TTC6: variants seen among roughly 807,000 people sequenced by gnomAD.
The protein encoded by TTC6 is tetratricopeptide repeat protein 6.
In TTC6, 172 loss-of-function variants were observed where a neutral mutation model predicts 210.4. The ratio of observed to expected loss-of-function variants is 0.82; its 90% CI spans 0.72 to 0.93. The LOEUF (loss-of-function observed/expected upper bound fraction) is 0.93. TTC6 is among the 40% of genes least tolerant of loss of function. The pLI, the probability that TTC6 is intolerant of heterozygous loss-of-function variation, is 0.00. For missense variants in TTC6, 2,414 were observed against 2,318.1 expected (o/e 1.04, Z -0.85); for synonymous variants, 804 against 819.6 (o/e 0.98, Z 0.32).
At chr14:37,709,814 C>A (rs1052461866) in intron 5 of TTC6, among the ~76,000 whole-genome samples, 1 of 151,660 alleles carries the variant, frequency 6.6e-6, no homozygotes, top group Non-Finnish European at 1.5e-5. Context: ...GCCTCTGCTG[C>A]AGATTTCAAA....
chr14:37,764,471 A>G (rs1483514935), intron 14 of TTC6, among the ~76,000 whole-genome samples: 1 of 152,130 alleles, frequency 6.6e-6, no homozygotes, highest in Non-Finnish European at 1.5e-5. Context: ...GACTGTGTTT[A>G]TAATGGTCAT....
intron 2 of TTC6, among the ~76,000 whole-genome samples, chr14:37,616,063 C>T (rs2095642159): frequency 6.6e-6 from 1 of 152,232 alleles, no homozygotes; most frequent in Non-Finnish European, 1.5e-5. Context: ...CAGTTAAACT[C>T]ACTGTAAGTC....
rs566420437 is a variant in TTC6, at chr14:37,792,445, T to A, written c.3708+31T>A. On this transcript the variant is annotated intron_variant, in intron 17 of 30. Coordinates refer to ENST00000553443, the Ensembl canonical transcript of TTC6. ...TAAGGCTCGAGAACCTTGATTTTTT[T>A]AAAAAAACTTTAATTTTCTGGATAT... 8.9e-5 allele frequency: 127 copies of A among 1,432,570 alleles called. No homozygotes were observed. In the East Asian group the frequency reaches 1.1e-3, roughly 13 times the overall value. 88.7% of individuals were successfully genotyped at this position (1,432,570 alleles called of 1,614,324 possible).
chr14:37,725,752 T>A (rs1392602252), intron 7 of TTC6, among the ~76,000 whole-genome samples: 1 of 152,166 alleles, frequency 6.6e-6, no homozygotes, highest in Non-Finnish European at 1.5e-5. Context: ...GAAAGAATGT[T>A]TTATTTGATT....
chr14:37,767,638 A>G (rs1481396545), intron 14 of TTC6, among the ~76,000 whole-genome samples: 148 of 151,944 alleles, frequency 9.7e-4, no homozygotes, highest in African/African-American at 3.4e-3. Context: ...CCTACTTTTT[A>G]ATGGGGTTGT....
chr14:37,725,348 A>ATATATATATATG (rs1555391434), intron 7 of TTC6, among the ~76,000 whole-genome samples: 47 of 113,238 alleles, frequency 4.2e-4, no homozygotes, highest in Non-Finnish European at 6.1e-4. Context: ...ATATATATAT[A>ATATATATATATG]TATATATATA....
intron 3 of TTC6, among the ~76,000 whole-genome samples, chr14:37,691,077 C>A (rs2095802773): frequency 6.6e-6 from 1 of 152,090 alleles, no homozygotes; most frequent in African/African-American, 2.4e-5. Context: ...CATCTGCCAT[C>A]CTAGCACTTT....
chr14:37,694,065 A>G (rs1352391796), intron 3 of TTC6, among the ~76,000 whole-genome samples: 2 of 152,168 alleles, frequency 1.3e-5, no homozygotes, highest in Admixed American at 6.5e-5. Flanking sequence ...TTCTTGAGCC[A>G]TACCCCATAA....
intron 2 of TTC6, among the ~76,000 whole-genome samples, chr14:37,610,165 G>A (rs2095632009): frequency 1.3e-5 from 2 of 152,186 alleles, no homozygotes; most frequent in Admixed American, 6.5e-5. Flanking sequence ...TACAGCAGGA[G>A]CTACCTTCTG....
intron 1 of TTC6, among the ~76,000 whole-genome samples, chr14:37,674,628 G>A (rs1024552329): frequency 2.0e-5 from 3 of 152,122 alleles, no homozygotes; most frequent in African/African-American, 4.8e-5. Context: ...AGCAGAGCAC[G>A]TGTGCTCAAC....
intron 14 of TTC6, among the ~76,000 whole-genome samples, chr14:37,770,496 G>A (rs1183259492): frequency 6.6e-6 from 1 of 151,596 alleles, no homozygotes; most frequent in South Asian, 2.1e-4. Context: ...CCTGTATTGG[G>A]TGCATATATA....
chr14:37,765,647 CTTG>C (rs1397147921), intron 14 of TTC6, among the ~76,000 whole-genome samples: 2 of 151,850 alleles, frequency 1.3e-5, no homozygotes, highest in East Asian at 3.9e-4. Flanking sequence ...TGTTCTTTAC[CTTG>C]TTGTATGGTT....
chr14:37,686,789 T>G (rs2095794719), intron 3 of TTC6, among the ~76,000 whole-genome samples: 1 of 152,154 alleles, frequency 6.6e-6, no homozygotes, highest in Non-Finnish European at 1.5e-5. Context: ...ACTGCCCCCA[T>G]GATTCACTTA....
intron 4 of TTC6, among the ~76,000 whole-genome samples, chr14:37,699,962 C>T (rs1432741579): frequency 1.3e-5 from 2 of 152,016 alleles, no homozygotes; most frequent in African/African-American, 4.8e-5. Context: ...ATGGCTAAGT[C>T]ATATTATGAT....
chr14:37,675,578 G>T (rs1268393943), intron 1 of TTC6, among the ~76,000 whole-genome samples: 1 of 151,806 alleles, frequency 6.6e-6, no homozygotes, highest in Admixed American at 6.6e-5. Flanking sequence ...CAGTTTTTTT[G>T]GGGGCATATT....
chr14:37,710,003 A>T (rs2095842150), intron 5 of TTC6, among the ~76,000 whole-genome samples: 3 of 152,100 alleles, frequency 2.0e-5, no homozygotes, highest in Non-Finnish European at 4.4e-5. Context: ...CAGTTTAGCG[A>T]TTTGCTATGA....
At chr14:37,710,878 G>T (rs530205510) in intron 5 of TTC6, among the ~76,000 whole-genome samples, 53 of 152,254 alleles carry the variant, frequency 3.5e-4, no homozygotes, top group African/African-American at 1.3e-3. Context: ...GGAAGGTGTA[G>T]ATTTGATTTC....
Position 37,659,308 on chromosome 14 carries a change from G to A in TTC6, c.940-20843G>A, listed in dbSNP as rs140683939. The stretch of plus-strand genomic sequence containing the variant: ...TCTGGGTATGTAACAACCTAAATGG[G>A]ATTGCTGGGTTGAATGGTAGTTCTG... On this transcript the variant is annotated intron_variant, in intron 1 of 30. Coordinates refer to ENST00000553443, the Ensembl canonical transcript of TTC6. 1.6e-3 allele frequency among the ~76,000 whole-genome samples: 239 copies of A among 152,148 alleles called. 5 individuals are homozygous for A. The East Asian group carries it at 0.016, about 10-fold the overall frequency.
chr14:37,792,078 G>C lies in TTC6; in HGVS notation c.3558-186G>C, dbSNP rs138370653. 5.1e-3 allele frequency among the ~76,000 whole-genome samples: 781 copies of C among 152,158 alleles called. 3 individuals carry two copies. The highest frequency in any genetic ancestry group is 0.018 in the African/African-American group (749 of 41,508). On this transcript the variant is annotated intron_variant, in intron 16 of 30. Transcript: ENST00000553443. Reference sequence around the variant, plus strand: ...TTAAAAACATTAATTCCTTACTAAGGGTTTCATAAAGGTGTTTATAGTTTT... The same window carrying C: ...TTAAAAACATTAATTCCTTACTAAGCGTTTCATAAAGGTGTTTATAGTTTT...
Sources: gnomAD v4.1 joint callset for allele counts (sites outside exome capture counted in the v4.1 genomes callset) on GRCh38, gnomAD v4.1.1 for gene constraint, MANE v1.5 for transcripts, NCBI Gene and HGNC (gene_info 2026-07-23, HGNC 2026-07-21) for gene names.